ALS2: variants seen among roughly 807,000 people sequenced by gnomAD.
The protein encoded by ALS2 is alsin.
In ALS2, 117 loss-of-function variants were observed where a neutral mutation model predicts 203.4. That is an observed-to-expected ratio of 0.58 (90% CI 0.50 to 0.67). The LOEUF (loss-of-function observed/expected upper bound fraction) is 0.67, where lower values mean the gene tolerates loss of function less well. ALS2 is among the 30% of genes least tolerant of loss of function. ALS2 has a pLI of 0.00. For synonymous variants in ALS2, 718 were observed against 725.9 expected, an observed-to-expected ratio of 0.99 and a Z score of 0.17; for missense variants, 1,715 against 1,989.4, an observed-to-expected ratio of 0.86 and a Z score of 2.62.
At chr2:201,724,870 T>A (rs1158879175) in intron 20 of ALS2, among the ~76,000 whole-genome samples, 1 of 152,060 alleles carries the variant, frequency 6.6e-6, no homozygotes, top group African/African-American at 2.4e-5. Flanking sequence ...TCCCAGCACT[T>A]TGGGAGGCCG....
At chr2:201,716,896 C>T (rs1051070975) in intron 24 of ALS2, among the ~76,000 whole-genome samples, 1 of 151,870 alleles carries the variant, frequency 6.6e-6, no homozygotes, top group Non-Finnish European at 1.5e-5. Flanking sequence ...GAACAAAAAC[C>T]TGAGGTGCTA....
intron 25 of ALS2, among the ~76,000 whole-genome samples, chr2:201,713,995 A>G (rs1690207185): frequency 6.6e-6 from 1 of 152,206 alleles, no homozygotes; most frequent in South Asian, 2.1e-4. Context: ...CTTTAGAAGC[A>G]CCTGAGCTAG....
At chr2:201,718,330 G>A in intron 23 of ALS2, 120 bp from the exon 24 acceptor site, 1 of 1,100,222 alleles carries the variant, frequency 9.1e-7, no homozygotes. Flanking sequence ...TGCGATCTTG[G>A]CTCACTGCAA....
Position 201,716,452 on chromosome 2 carries a change from G to A in ALS2, c.3837-613C>T, listed in dbSNP as rs575147342. 2.1e-4 allele frequency among the ~76,000 whole-genome samples: 31 copies of A among 150,162 alleles called. 2 individuals are homozygous for A. Among genetic ancestry groups the A allele is most frequent in the African/African-American group, 6.9e-4 (28 of 40,686 alleles). On this transcript the variant is annotated intron_variant, in intron 24 of 33. Coordinates refer to ENST00000264276, the MANE Select transcript of ALS2 (RefSeq NM_020919.4). ...CCAGCTACTTGGGAGGCTGGGGCAG[G>A]AGAATCGCTTGAACCCAGAAGGCAG...
chr2:201,741,507 A>T, intron 11 of ALS2, 167 bp downstream of exon 11: 1 of 706,940 alleles, frequency 1.4e-6, no homozygotes, highest in Non-Finnish European at 2.4e-6. Flanking sequence ...GAGAAGACTA[A>T]ATTTTAGCAA....
chr2:201,746,995 G>A (rs957097749), intron 8 of ALS2, among the ~76,000 whole-genome samples: 3 of 152,048 alleles, frequency 2.0e-5, no homozygotes, highest in African/African-American at 7.2e-5. Flanking sequence ...AATTTAAAAA[G>A]GAAAAACCAC....
rs1329571370 is a variant in ALS2 at position 201,741,759 on chromosome 2, A to G, written c.2266T>C (p.Leu756=). 17 of 1,614,014 alleles carry G rather than the reference A, an allele frequency of 1.1e-5. No individual in the cohort carries two copies. Among genetic ancestry groups the G allele is most frequent in the African/African-American group, 6.7e-5 (5 of 74,924 alleles). The change falls in exon 11 of 34, where the codon TTG becomes CTG. Residue 756 remains leucine, a synonymous_variant. Transcript: ENST00000264276. The stretch of plus-strand genomic sequence containing the variant: ...TTTACCCCATGAAGGAAGCTGCTCA[A>G]TGAGGCTCCATGCTGACCAATGAGG... ...CYLIGQHGAS[L]SSFLHGVKEA...
intron 25 of ALS2, among the ~76,000 whole-genome samples, chr2:201,712,984 A>G (rs1690125772): frequency 6.6e-6 from 1 of 152,112 alleles, no homozygotes; most frequent in African/African-American, 2.4e-5. Context: ...ATATGTGTCT[A>G]TACATGGTTA....
At chr2:201,726,909 C>T (rs770422255) in intron 17 of ALS2, 43 bp from the exon 18 acceptor site, 2 of 1,526,212 alleles carry the variant, frequency 1.3e-6, no homozygotes, top group Admixed American at 3.5e-5. Flanking sequence ...GGCAACAATT[C>T]ATCAAGCATT....
chr2:201,724,532 A>G lies in ALS2; in HGVS notation c.3348-73T>C, dbSNP rs1484314315. ...ATGCTCATTTTTACAAAGTTTAGAA[A>G]ATCCAAAACCATACTCAGTCTCACT... is the stretch of plus-strand genomic sequence containing the variant. On this transcript the variant is annotated intron_variant, in intron 20 of 33. Coordinates refer to ENST00000264276, the MANE Select transcript of ALS2 (RefSeq NM_020919.4). 5 of 1,484,632 alleles carry G rather than the reference A, an allele frequency of 3.4e-6. No individual in the cohort carries two copies. In the African/African-American group the frequency reaches 6.9e-5, roughly 21 times the overall value. The allele number at this position is 1,484,632 out of a possible 1,614,324, so 92.0% of individuals were successfully genotyped here.
chr2:201,738,860 T>A (rs1692056542), intron 11 of ALS2, 125 bp from the exon 12 acceptor site: 1 of 837,440 alleles, frequency 1.2e-6, no homozygotes, highest in African/African-American at 1.7e-5. Context: ...AGTTTTGTGA[T>A]GTCAACATTT....
At chr2:201,743,346 C>CA (rs1692414432) in intron 10 of ALS2, among the ~76,000 whole-genome samples, 1 of 152,172 alleles carries the variant, frequency 6.6e-6, no homozygotes, top group Non-Finnish European at 1.5e-5. Flanking sequence ...CCCAGGTACC[C>CA]AGTATATCTG....
chr2:201,728,242 CT>C (rs1691319583), intron 15 of ALS2, among the ~76,000 whole-genome samples: 1 of 152,152 alleles, frequency 6.6e-6, no homozygotes, highest in African/African-American at 2.4e-5. Flanking sequence ...CTATCCCTCC[CT>C]CCTCCCCCGA....
intron 23 of ALS2, among the ~76,000 whole-genome samples, chr2:201,721,207 G>C (rs1327821098): frequency 1.3e-5 from 2 of 152,186 alleles, no homozygotes; most frequent in African/African-American, 4.8e-5. Context: ...TTCATGGGTT[G>C]AAGAGTCAAT....
chr2:201,738,225 C>A (rs1692008125), intron 12 of ALS2, among the ~76,000 whole-genome samples: 1 of 152,190 alleles, frequency 6.6e-6, no homozygotes, highest in Non-Finnish European at 1.5e-5. Flanking sequence ...ACTATCTGTT[C>A]AGGATTATTG....
chr2:201,705,593 T>C, intron 29 of ALS2, 132 bp from the exon 30 acceptor site: 2 of 691,952 alleles, frequency 2.9e-6, no homozygotes, highest in Non-Finnish European at 5.1e-6. Context: ...GGTTAAGTTT[T>C]TATAAACATT....
At chr2:201,757,118 G>C (rs1693448384) in intron 5 of ALS2, among the ~76,000 whole-genome samples, 1 of 152,042 alleles carries the variant, frequency 6.6e-6, no homozygotes, top group Non-Finnish European at 1.5e-5. Flanking sequence ...GTCCCAATTA[G>C]GAAATAAGAA....
At position 201,711,080 on chromosome 2, in the gene ALS2, G is replaced by A. The variant is rs1689997747; in HGVS notation, c.4033C>T (p.Gln1345Ter). The A allele has an allele frequency of 6.2e-7, 1 of 1,611,298 alleles. No individual in the cohort carries two copies. The highest frequency in any genetic ancestry group is 8.5e-7 in the Non-Finnish European group (1 of 1,177,830). The change falls in exon 26 of 34, where the codon CAG becomes TAG. Residue 1345 changes from glutamine to a stop codon, truncating the protein, a stop_gained. Transcript: ENST00000264276. LOFTEE classifies it high-confidence loss of function. ...SPEILSRSQT[Q>*]TLESLEFIPQ... Reference sequence around the variant, plus strand: ...ATGAATTCCAAACTCTCTAGTGTCTGAGTCTGTGAACGACTCAGTATTTCT... The same window carrying A: ...ATGAATTCCAAACTCTCTAGTGTCTAAGTCTGTGAACGACTCAGTATTTCT...
intron 20 of ALS2, 106 bp from the exon 21 acceptor site, chr2:201,724,565 A>G (rs1691028417): frequency 1.1e-5 from 12 of 1,140,132 alleles, no homozygotes; most frequent in Non-Finnish European, 1.4e-5. Flanking sequence ...ACTGGTAGCT[A>G]TAATTATTTG....
Sources: allele counts gnomAD v4.1 joint callset (sites outside exome capture counted in the v4.1 genomes callset), GRCh38; gene constraint gnomAD v4.1.1; transcripts MANE v1.5; gene names NCBI Gene and HGNC (gene_info 2026-07-23, HGNC 2026-07-21).